The following KLHL6 variants were observed in gnomAD, a reference collection of about 807,000 sequenced individuals.
The protein encoded by KLHL6 is kelch like family member 6, also known as kelch-like protein 6.
KLHL6 carries 41 observed loss-of-function variants against 58.6 expected under a neutral mutation model. That is an observed-to-expected ratio of 0.70 (90% CI 0.55 to 0.91). The LOEUF (loss-of-function observed/expected upper bound fraction) is 0.91, where lower values mean the gene tolerates loss of function less well. Among genes scored for constraint, KLHL6 ranks in the 40% least tolerant of loss-of-function variants. The pLI, the probability that KLHL6 is intolerant of heterozygous loss-of-function variation, is 0.00. For synonymous variants in KLHL6, 338 were observed against 322.7 expected, an observed-to-expected ratio of 1.05 and a Z score of -0.51; for missense variants, 714 against 805.6, an observed-to-expected ratio of 0.89 and a Z score of 1.38.
chr3:183,531,725 C>T (rs1377386939), intron 1 of KLHL6, among the ~76,000 whole-genome samples: 1 of 152,144 alleles, frequency 6.6e-6, no homozygotes, highest in Admixed American at 6.5e-5. Context: ...GGATTACAGG[C>T]GTGAGCCACC....
intron 1 of KLHL6, among the ~76,000 whole-genome samples, chr3:183,543,523 C>T (rs1421843921): frequency 1.3e-5 from 2 of 152,196 alleles, no homozygotes; most frequent in African/African-American, 4.8e-5. Context: ...CTGACACTTT[C>T]CTAACTTTCC....
Position 183,494,212 on chromosome 3 carries a change from TACTC to T in KLHL6, c.1213_1216del (p.Glu405IlefsTer2). 6.2e-7 allele frequency: 1 copy of T among 1,614,104 alleles called. No homozygotes were observed. Among genetic ancestry groups the T allele is most frequent in the Non-Finnish European group, 8.5e-7 (1 of 1,179,946 alleles). On this transcript the variant is annotated frameshift_variant, in exon 5 of 7. Coordinates refer to ENST00000341319, the MANE Select transcript of KLHL6 (RefSeq NM_130446.4). LOFTEE classifies it high-confidence loss of function. ...ATGCCTCCAGCGGCCTATGTTTAAA[TACTC>T]AATCTGAATCCACTTGTTGATCGAA...
intron 5 of KLHL6, chr3:183,493,872 C>T (rs1252522092): frequency 8.5e-6 from 5 of 590,198 alleles, no homozygotes; most frequent in African/African-American, 1.9e-5. Flanking sequence ...ACCTTCACCA[C>T]TTGGAAGGAC....
chr3:183,492,249 C>A lies in KLHL6; in HGVS notation c.1565-21G>T. 6.4e-7 allele frequency: 1 copy of A among 1,555,390 alleles called. No homozygotes were observed. Among genetic ancestry groups the A allele is most frequent in the South Asian group, 1.2e-5 (1 of 83,254 alleles). On this transcript the variant is annotated intron_variant, in intron 6 of 6. Coordinates refer to ENST00000341319, the MANE Select transcript of KLHL6 (RefSeq NM_130446.4). The surrounding 1 kb of genome is among the most constrained non-coding windows in gnomAD (Gnocchi z 5.9). Reference sequence around the variant, plus strand: ...CCCACCTGAGGAGAGGGAGGAAACACGGTGGGCATCGCTCCATTTTTCTGG... The same window carrying A: ...CCCACCTGAGGAGAGGGAGGAAACAAGGTGGGCATCGCTCCATTTTTCTGG...
At chr3:183,527,695 T>C in intron 2 of KLHL6, 150 bp downstream of exon 2, 1 of 667,212 alleles carries the variant, frequency 1.5e-6, no homozygotes, top group Non-Finnish European at 2.5e-6. Context: ...CAGCTAGGGG[T>C]GTGCGTGTGT....
intron 2 of KLHL6, among the ~76,000 whole-genome samples, chr3:183,509,168 C>G (rs1718108809): frequency 6.6e-6 from 1 of 152,142 alleles, no homozygotes; most frequent in African/African-American, 2.4e-5. Flanking sequence ...TGACCAATTG[C>G]AAAGTATGGA....
At chr3:183,525,321 T>C (rs1711927759) in intron 2 of KLHL6, among the ~76,000 whole-genome samples, 1 of 142,510 alleles carries the variant, frequency 7.0e-6, no homozygotes, top group Admixed American at 7.1e-5. Flanking sequence ...CTTACAATCC[T>C]AACCCGGGGG....
intron 2 of KLHL6, 95 bp downstream of exon 2, chr3:183,527,750 G>A (rs1712023483): frequency 9.7e-7 from 1 of 1,035,894 alleles, no homozygotes; most frequent in South Asian, 1.5e-5. Flanking sequence ...CCATGTCCCA[G>A]GTACAGGCCT....
At chr3:183,538,021 C>T (rs1712421795) in intron 1 of KLHL6, among the ~76,000 whole-genome samples, 2 of 152,110 alleles carry the variant, frequency 1.3e-5, no homozygotes, top group South Asian at 2.1e-4. Flanking sequence ...ACTTGTCCTT[C>T]CTAGTCCCTT....
intron 1 of KLHL6, among the ~76,000 whole-genome samples, chr3:183,551,618 T>C (rs568250037): frequency 1.6e-4 from 25 of 152,298 alleles, no homozygotes; most frequent in Admixed American, 1.3e-3. Flanking sequence ...GGAAAGCTTA[T>C]GGTAAGAGGT....
intron 3 of KLHL6, among the ~76,000 whole-genome samples, chr3:183,503,669 C>A (rs905638505): frequency 6.6e-6 from 1 of 152,160 alleles, no homozygotes; most frequent in African/African-American, 2.4e-5. Context: ...ATCCCATCTA[C>A]TCAGGAGGCT....
intron 3 of KLHL6, among the ~76,000 whole-genome samples, chr3:183,507,424 G>GTTTGT (rs60980574): frequency 0.015 from 2,238 of 151,760 alleles, 48 homozygotes; most frequent in African/African-American, 0.051. Flanking sequence ...TTTGTTTTTT[G>GTTTGT]TTTGTTTTGT....
chr3:183,538,952 A>T (rs1712452746), intron 1 of KLHL6, among the ~76,000 whole-genome samples: 1 of 152,208 alleles, frequency 6.6e-6, no homozygotes, highest in South Asian at 2.1e-4. Context: ...AACCAGCTGC[A>T]TCAGAACCTT....
rs1717538258 is a variant in KLHL6 at position 183,491,103 on chromosome 3, GTT to G, written c.*822_*823del. On this transcript the variant is annotated 3_prime_UTR_variant, in exon 7 of 7. Transcript: ENST00000341319. ...AAATGAGCCAGGTTTCTTTGTTTTTGTTTTTGTTTTTGTTTTTGTTTTGAAGA... is the reference window on the plus strand; with the variant it reads ...AAATGAGCCAGGTTTCTTTGTTTTTGTTTGTTTTTGTTTTTGTTTTGAAGA... 3.0e-5 allele frequency: 1 copy of G among 33,224 alleles called. No homozygotes were observed. The highest frequency in any genetic ancestry group is 2.7e-4 in the African/African-American group (1 of 3,714). The allele number at this position is 33,224 out of a possible 1,614,324, so 2.1% of individuals were successfully genotyped here.
At chr3:183,540,549 A>G (rs190369459) in intron 1 of KLHL6, among the ~76,000 whole-genome samples, 7 of 152,236 alleles carry the variant, frequency 4.6e-5, no homozygotes, top group Non-Finnish European at 5.9e-5. Flanking sequence ...TTGGAACTCC[A>G]GGCCCGTTTT....
chr3:183,492,215 T>C lies in KLHL6; in HGVS notation c.1578A>G (p.Arg526=), dbSNP rs1476922868. ...DRIYVVGGAM[R]ALYAYSPLED... is the part of the protein sequence containing the mutation. ...CCAGCGGGCTGTAGGCGTACAGCGC[T>C]CTCATGGCCCCACCTGAGGAGAGGG... The change falls in exon 7 of 7, where the codon AGA becomes AGG. Residue 526 remains arginine (R), a synonymous_variant. Transcript: ENST00000341319. This position sits in a 1 kb window ranked among gnomAD's most constrained non-coding sequence, Gnocchi z 5.9. 3 of 1,600,766 alleles carry C rather than the reference T, an allele frequency of 1.9e-6. No individual in the cohort carries two copies. In the South Asian group the frequency reaches 3.3e-5, roughly 18 times the overall value.
chr3:183,498,479 G>A (rs866582015), intron 4 of KLHL6, among the ~76,000 whole-genome samples: 1 of 152,156 alleles, frequency 6.6e-6, no homozygotes, highest in African/African-American at 2.4e-5. Flanking sequence ...GGGGAAGAGT[G>A]TGGGCGTTAG....
chr3:183,555,425 A>G lies in KLHL6; in HGVS notation c.229T>C (p.Cys77Arg), dbSNP rs760467685. The change falls in exon 1 of 7, where the codon TGT becomes CGT. Residue 77 changes from cysteine to arginine, a missense_variant. Physicochemically the swap from Cys to Arg is radical, Grantham distance 180 (BLOSUM62 -3). This residue lies in a region of KLHL6 where 204 missense variants were observed against 175.9 expected (regional missense o/e 1.16). Coordinates refer to ENST00000341319, the MANE Select transcript of KLHL6 (RefSeq NM_130446.4). ...CAGGAGAATTCCTGAATGTCCACAC[A>G]CAAGATGACATCTGTCAGAGCGTTT... ...MENALTDVIL[C>R]VDIQEFSCHR... 1.9e-6 allele frequency: 3 copies of G among 1,614,082 alleles called. No individual in the cohort carries two copies. In the African/African-American group the frequency reaches 4.0e-5, roughly 22 times the overall value.
intron 2 of KLHL6, among the ~76,000 whole-genome samples, chr3:183,512,449 A>G (rs1205422820): frequency 6.6e-6 from 1 of 152,216 alleles, no homozygotes; most frequent in African/African-American, 2.4e-5. Context: ...ATATTTGCAG[A>G]TAAAATGAGA....
Sources: gnomAD v4.1 joint callset for allele counts (sites outside exome capture counted in the v4.1 genomes callset) on GRCh38, gnomAD v4.1.1 for gene constraint, gnomAD v4.1.1 regional missense constraint, Gnocchi (gnomAD v3.1) non-coding constraint, MANE v1.5 for transcripts, NCBI Gene and HGNC (gene_info 2026-07-23, HGNC 2026-07-21) for gene names.